SPTSSA: variants seen among roughly 807,000 people sequenced by gnomAD.
SPTSSA encodes the protein serine palmitoyltransferase small subunit A, also known as small subunit of serine palmitoyltransferase A.
A neutral mutation model predicts 9.1 loss-of-function variants in SPTSSA; 8 were observed. The ratio of observed to expected loss-of-function variants is 0.88; its 90% CI spans 0.51 to 1.58. The LOEUF (loss-of-function observed/expected upper bound fraction) is 1.58, where lower values mean the gene tolerates loss of function less well. Among genes scored for constraint, SPTSSA ranks in the 40% most tolerant of loss-of-function variants. The pLI is 0.00. For synonymous variants in SPTSSA, 42 were observed against 37.7 expected, an observed-to-expected ratio of 1.11 and a Z score of -0.41; for missense variants, 100 against 93.8, an observed-to-expected ratio of 1.07 and a Z score of -0.27.
At chr14:34,457,798 C>G (rs1021858519) in intron 1 of SPTSSA, among the ~76,000 whole-genome samples, 1 of 151,416 alleles carries the variant, frequency 6.6e-6, no homozygotes, top group African/African-American at 2.4e-5. Flanking sequence ...ATGGTGAAAC[C>G]CCACCTCAAC....
chr14:34,444,578 C>A (rs984613879), intron 1 of SPTSSA, among the ~76,000 whole-genome samples: 1 of 151,990 alleles, frequency 6.6e-6, no homozygotes, highest in Non-Finnish European at 1.5e-5. Context: ...ATAGTGAAAC[C>A]CTGTCTCTAC....
chr14:34,442,953 GGGGTGTGTGT>G (rs1002734757), intron 1 of SPTSSA, among the ~76,000 whole-genome samples: 29 of 108,570 alleles, frequency 2.7e-4, no homozygotes, highest in African/African-American at 1.2e-3. Context: ...CATGTCTAGG[GGGGTGTGTGT>G]GTGTGTGTGT....
rs1306840158 is a variant in SPTSSA at position 34,433,047 on chromosome 14, CCCTGTTATTTACT to C, written c.*2141_*2153del. 1 of 152,112 alleles carries C rather than the reference CCCTGTTATTTACT, an allele frequency of 6.6e-6. No individual in the cohort carries two copies. Among genetic ancestry groups the C allele is most frequent in the Non-Finnish European group, 1.5e-5 (1 of 68,014 alleles). 9.4% of individuals were successfully genotyped at this position (152,112 alleles called of 1,614,324 possible). ...TTTTAACAAAAAGTGAAAATGATTT[CCCTGTTATTTACT>C]AACAAATAGACCAGACATTTGCATC... is the stretch of plus-strand genomic sequence containing the variant. On this transcript the variant is annotated 3_prime_UTR_variant, in exon 2 of 2. Transcript: ENST00000298130.
At chr14:34,438,419 G>A (rs1035133505) in intron 1 of SPTSSA, among the ~76,000 whole-genome samples, 2 of 151,926 alleles carry the variant, frequency 1.3e-5, no homozygotes, top group African/African-American at 4.8e-5. Flanking sequence ...TTGGATTTTC[G>A]AGCATTTCAG....
At chr14:34,451,452 G>A (rs565536792) in intron 1 of SPTSSA, among the ~76,000 whole-genome samples, 5 of 152,166 alleles carry the variant, frequency 3.3e-5, no homozygotes, top group East Asian at 1.9e-4. Flanking sequence ...GGCTGGGCGC[G>A]GTAGCTCACA....
intron 1 of SPTSSA, among the ~76,000 whole-genome samples, chr14:34,456,498 A>G (rs1878475523): frequency 6.6e-6 from 1 of 152,180 alleles, no homozygotes; most frequent in Non-Finnish European, 1.5e-5. Flanking sequence ...AAAACTGCCC[A>G]CATTTTGCTG....
chr14:34,457,649 G>A (rs1055635366), intron 1 of SPTSSA, among the ~76,000 whole-genome samples: 18 of 152,124 alleles, frequency 1.2e-4, no homozygotes, highest in Admixed American at 6.6e-5. Context: ...AAAAGCCAAT[G>A]TATCACTTCA....
intron 1 of SPTSSA, among the ~76,000 whole-genome samples, chr14:34,447,911 C>G (rs1014467057): frequency 6.6e-6 from 1 of 152,174 alleles, no homozygotes; most frequent in African/African-American, 2.4e-5. Context: ...GATCATGCAA[C>G]AAAGGTTCCA....
At chr14:34,451,660 T>C (rs935588621) in intron 1 of SPTSSA, among the ~76,000 whole-genome samples, 12 of 150,634 alleles carry the variant, frequency 8.0e-5, no homozygotes, top group Admixed American at 2.0e-4. Flanking sequence ...GAGGCGGAGC[T>C]TGCAGTGAGA....
At position 34,440,778 on chromosome 14, in the gene SPTSSA, G is replaced by A. The variant is rs567920710; in HGVS notation, c.113-5474C>T. The stretch of plus-strand genomic sequence containing the variant: ...TGCCTGTAATCCCAGCTACTTGGGA[G>A]GCTGAGGCAGGAGAATCGCTTGAAC... On this transcript the variant is annotated intron_variant, in intron 1 of 1. Coordinates refer to ENST00000298130, the MANE Select transcript of SPTSSA (RefSeq NM_138288.4). Among the ~76,000 whole-genome samples the A allele has an allele frequency of 1.7e-3, 253 of 152,222 alleles. 1 individual carries two copies. The highest frequency in any genetic ancestry group is 5.6e-3 in the African/African-American group (234 of 41,538).
At chr14:34,451,519 C>T (rs370473732) in intron 1 of SPTSSA, among the ~76,000 whole-genome samples, 8 of 151,850 alleles carry the variant, frequency 5.3e-5, no homozygotes, top group African/African-American at 7.3e-5. Flanking sequence ...GTCAGGAGAT[C>T]GAGACCGTCC....
chr14:34,448,299 G>A (rs570969045), intron 1 of SPTSSA, among the ~76,000 whole-genome samples: 291 of 151,306 alleles, frequency 1.9e-3, no homozygotes, highest in Non-Finnish European at 3.7e-3. Context: ...AGAGCAGGGC[G>A]AGAGTTCCAT....
intron 1 of SPTSSA, among the ~76,000 whole-genome samples, chr14:34,451,325 A>G (rs75012084): frequency 0.011 from 1,655 of 152,324 alleles, 33 homozygotes; most frequent in African/African-American, 0.038. Context: ...TTTAAGTCAC[A>G]TTAAATCACA....
At chr14:34,457,573 C>T (rs1263957828) in intron 1 of SPTSSA, among the ~76,000 whole-genome samples, 1 of 152,144 alleles carries the variant, frequency 6.6e-6, no homozygotes, top group East Asian at 1.9e-4. Context: ...GGTGTCATGT[C>T]CCATTTCTCT....
chr14:34,436,196 T>C (rs1883239171), intron 1 of SPTSSA, among the ~76,000 whole-genome samples: 1 of 152,226 alleles, frequency 6.6e-6, no homozygotes, highest in African/African-American at 2.4e-5. Flanking sequence ...CTATTGCTAC[T>C]ATTTGCAACA....
At chr14:34,435,334 AT>A in intron 1 of SPTSSA, 30 bp from the exon 2 acceptor site, 10 of 1,514,630 alleles carry the variant, frequency 6.6e-6, no homozygotes, top group Non-Finnish European at 9.1e-6. Context: ...ACTTATTATT[AT>A]TAATTTATTC....
chr14:34,444,080 C>T (rs1883378568), intron 1 of SPTSSA, among the ~76,000 whole-genome samples: 1 of 151,940 alleles, frequency 6.6e-6, no homozygotes, highest in Non-Finnish European at 1.5e-5. Context: ...TGGTTAGTCT[C>T]CTCTGTAAAG....
rs769896697 is a variant in SPTSSA, at chr14:34,435,623, C to CTTTTTTTTTTTT, written c.113-331_113-320dup. 5.9e-4 allele frequency among the ~76,000 whole-genome samples: 55 copies of CTTTTTTTTTTTT among 92,438 alleles called. 1 individual carries two copies. Among genetic ancestry groups the CTTTTTTTTTTTT allele is most frequent in the African/African-American group, 2.3e-3 (51 of 21,790 alleles). The allele number at this position is 92,438 out of a possible 152,430, so 60.6% of individuals were successfully genotyped here. On this transcript the variant is annotated intron_variant, in intron 1 of 1. Transcript: ENST00000298130. The stretch of plus-strand genomic sequence containing the variant: ...CAAATGTTTTTGTTTGTTTGTTTCT[C>CTTTTTTTTTTTT]TTTTTTTTTTTTTTTTTTTTTTGAG...
intron 1 of SPTSSA, among the ~76,000 whole-genome samples, chr14:34,443,238 T>TGTGTG: frequency 1.2e-5 from 1 of 80,410 alleles, no homozygotes; most frequent in African/African-American, 5.8e-5. Context: ...TGTGTGTGTG[T>TGTGTG]TTTGAGATGG....
Sources: gnomAD v4.1 joint callset for allele counts (sites outside exome capture counted in the v4.1 genomes callset) on GRCh38, gnomAD v4.1.1 for gene constraint, MANE v1.5 for transcripts, NCBI Gene and HGNC (gene_info 2026-07-23, HGNC 2026-07-21) for gene names.